Variants in GNPDA2 observed in about 807,000 individuals in gnomAD.
The protein encoded by GNPDA2 is glucosamine-6-phosphate deaminase 2, also known as glcN6P deaminase 2.
In GNPDA2, 24 loss-of-function variants were observed where a neutral mutation model predicts 27.0. The observed-to-expected ratio is 0.89, with a 90% CI of 0.64 to 1.25. GNPDA2 has a LOEUF of 1.25. Among genes scored for constraint, GNPDA2 ranks in the 50% most tolerant of loss-of-function variants. GNPDA2 has a pLI of 0.00. For missense variants in GNPDA2, 286 were observed against 335.1 expected, an observed-to-expected ratio of 0.85 and a Z score of 1.14; for synonymous variants, 94 against 108.4, an observed-to-expected ratio of 0.87 and a Z score of 0.83.
chr4:44,708,556 A>G (rs1716759133), intron 5 of GNPDA2, among the ~76,000 whole-genome samples: 1 of 152,078 alleles, frequency 6.6e-6, no homozygotes, highest in Non-Finnish European at 1.5e-5. Flanking sequence ...CTTATAAGCT[A>G]CAGAAAATCC....
At position 44,717,266 on chromosome 4, in the gene GNPDA2, G is replaced by C; in HGVS notation, c.256C>G (p.His86Asp). 6.6e-7 allele frequency: 1 copy of C among 1,516,766 alleles called. No individual in the cohort carries two copies. The highest frequency in any genetic ancestry group is 8.9e-7 in the Non-Finnish European group (1 of 1,117,402). 94.0% of individuals were successfully genotyped at this position (1,516,766 alleles called of 1,614,324 possible). ...AAAAAATTATTCCACATATAAGAAT[G>C]GTAGCTTTCAGGATGATTTCTTGGA... ...GLPRNHPESY[H>D]SYMWNNFFKH... The change falls in exon 4 of 7, where the codon CAT (histidine) becomes GAT (aspartate). Residue 86 changes from histidine to aspartate, a missense_variant. Coordinates refer to ENST00000295448, the MANE Select transcript of GNPDA2 (RefSeq NM_138335.3).
intron 5 of GNPDA2, among the ~76,000 whole-genome samples, chr4:44,710,265 C>G (rs1327153226): frequency 6.6e-6 from 1 of 151,822 alleles, no homozygotes; most frequent in Non-Finnish European, 1.5e-5. Context: ...TTCATCATAC[C>G]TTGTCTATAG....
At chr4:44,704,869 CATG>C (rs974596518) in intron 6 of GNPDA2, 1 of 983,786 alleles carries the variant, frequency 1.0e-6, no homozygotes, top group South Asian at 4.7e-5. Flanking sequence ...GAAAAAAATT[CATG>C]ATGATGATGT....
chr4:44,717,753 A>G (rs2109714790), intron 3 of GNPDA2, among the ~76,000 whole-genome samples: 1 of 152,002 alleles, frequency 6.6e-6, no homozygotes. Flanking sequence ...TGTGCAGATT[A>G]TGTGGGATCA....
At chr4:44,714,392 T>C (rs1192390205) in intron 4 of GNPDA2, 6 of 985,410 alleles carry the variant, frequency 6.1e-6, no homozygotes, top group Non-Finnish European at 7.2e-6. Flanking sequence ...GAGGAGGAAT[T>C]AGAACATTTG....
chr4:44,715,562 G>A (rs535043600), intron 4 of GNPDA2, among the ~76,000 whole-genome samples: 10 of 152,130 alleles, frequency 6.6e-5, no homozygotes, highest in Admixed American at 4.6e-4. Flanking sequence ...AAAATCTAAA[G>A]ATTAGATGGT....
chr4:44,716,890 G>C (rs1266790590), intron 4 of GNPDA2, among the ~76,000 whole-genome samples: 8 of 151,706 alleles, frequency 5.3e-5, no homozygotes, highest in Non-Finnish European at 8.9e-5. Flanking sequence ...ACCTCTCAAG[G>C]CATAAGGTAA....
In GNPDA2 at chr4:44,718,750, C is replaced by A. The variant is rs573364948; in HGVS notation, c.125-340G>T. On this transcript the variant is annotated intron_variant, in intron 2 of 6. Transcript: ENST00000295448. Reference sequence around the variant, plus strand: ...AAATCTCCCTTTCTGAAAAAAAAATCTTGAGTTCTTGCACAAATGATATGT... The same window carrying A: ...AAATCTCCCTTTCTGAAAAAAAAATATTGAGTTCTTGCACAAATGATATGT... Among the ~76,000 whole-genome samples, 398 of 151,822 alleles carry A rather than the reference C, an allele frequency of 2.6e-3. 2 individuals carry two copies. The highest frequency in any genetic ancestry group is 9.1e-3 in the African/African-American group (378 of 41,492).
chr4:44,718,291 T>A lies in GNPDA2; in HGVS notation c.226+18A>T. ...TAACATACCCAAATAATGGTCAATA[T>A]ATTTAAGTATAGCTTACCTACATAT... On this transcript the variant is annotated intron_variant, in intron 3 of 6. Coordinates refer to ENST00000295448, the MANE Select transcript of GNPDA2 (RefSeq NM_138335.3). 1 of 933,156 alleles carries A rather than the reference T, an allele frequency of 1.1e-6. No homozygotes were observed. The highest frequency in any genetic ancestry group is 2.2e-4 in the Middle Eastern group (1 of 4,532). The allele number at this position is 933,156 out of a possible 1,614,324, so 57.8% of individuals were successfully genotyped here.
At chr4:44,714,463 A>G (rs1717160649) in intron 4 of GNPDA2, 2 of 985,236 alleles carry the variant, frequency 2.0e-6, no homozygotes, top group Admixed American at 1.2e-4. Context: ...CTCTGCTCTA[A>G]TTCCCTGGAA....
chr4:44,704,951 T>A, intron 6 of GNPDA2: 1 of 984,168 alleles, frequency 1.0e-6, no homozygotes, highest in Non-Finnish European at 1.2e-6. Context: ...ATAAAACAAA[T>A]CCCCACGTAC....
intron 1 of GNPDA2, among the ~76,000 whole-genome samples, chr4:44,725,999 C>T (rs1021564195): frequency 6.6e-6 from 1 of 152,144 alleles, no homozygotes; most frequent in Non-Finnish European, 1.5e-5. Context: ...CCCTACTCAA[C>T]CTGACCTGTC....
chr4:44,703,149 GAA>G lies in GNPDA2; in HGVS notation c.770-9_770-8del. On this transcript the variant is annotated splice_region_variant and splice_polypyrimidine_tract_variant and intron_variant, in intron 6 of 6. Coordinates refer to ENST00000295448, the MANE Select transcript of GNPDA2 (RefSeq NM_138335.3). Reference sequence around the variant, plus strand: ...TTGTGCACATGCATTAGACCTTAAAGAAAAAAAGCACAGTTCTAGTTGTTTTT... The same window carrying G: ...TTGTGCACATGCATTAGACCTTAAAGAAAAAGCACAGTTCTAGTTGTTTTT... 6.2e-7 allele frequency: 1 copy of G among 1,601,740 alleles called. No homozygotes were observed. Among genetic ancestry groups the G allele is most frequent in the Non-Finnish European group, 8.5e-7 (1 of 1,176,316 alleles).
At chr4:44,718,793 A>G (rs1717486866) in intron 2 of GNPDA2, among the ~76,000 whole-genome samples, 1 of 151,930 alleles carries the variant, frequency 6.6e-6, no homozygotes, top group Non-Finnish European at 1.5e-5. Context: ...TCAAGTGTTG[A>G]CCATTTACTG....
chr4:44,725,893 T>C (rs1055952416), intron 1 of GNPDA2, among the ~76,000 whole-genome samples: 2 of 152,292 alleles, frequency 1.3e-5, no homozygotes, highest in Middle Eastern at 3.4e-3. Context: ...ACTTCAATGG[T>C]GGATGACAAC....
Position 44,718,134 on chromosome 4 carries a change from G to T in GNPDA2, c.226+175C>A, listed in dbSNP as rs565266181. ...CTGTGCTACTATCACAAAAATACAG[G>T]TTTTTAAATAAACTCCCAATCTCAT... On this transcript the variant is annotated intron_variant, in intron 3 of 6. Transcript: ENST00000295448. Among the ~76,000 whole-genome samples, 280 of 151,774 alleles carry T rather than the reference G, an allele frequency of 1.8e-3. 2 individuals carry two copies. Among genetic ancestry groups the T allele is most frequent in the African/African-American group, 6.5e-3 (269 of 41,480 alleles).
chr4:44,723,289 C>T (rs1717794170), intron 1 of GNPDA2, among the ~76,000 whole-genome samples: 1 of 151,934 alleles, frequency 6.6e-6, no homozygotes, highest in Non-Finnish European at 1.5e-5. Context: ...GGTACAAATG[C>T]AATTTTGTTA....
intron 6 of GNPDA2, 29 bp from the exon 7 acceptor site, chr4:44,703,171 GT>G: frequency 6.3e-7 from 1 of 1,591,358 alleles, no homozygotes; most frequent in Non-Finnish European, 8.5e-7. Context: ...AGTTCTAGTT[GT>G]TTTTATTAAT....
At chr4:44,716,004 C>T (rs1472359435) in intron 4 of GNPDA2, among the ~76,000 whole-genome samples, 1 of 151,898 alleles carries the variant, frequency 6.6e-6, no homozygotes, top group Admixed American at 6.6e-5. Context: ...CAACTATATA[C>T]CAAGCACTGT....
Sources: gnomAD v4.1 joint callset for allele counts (sites outside exome capture counted in the v4.1 genomes callset) on GRCh38, gnomAD v4.1.1 for gene constraint, MANE v1.5 for transcripts, NCBI Gene and HGNC (gene_info 2026-07-23, HGNC 2026-07-21) for gene names.